The following MYO15A variants were observed in gnomAD, a reference collection of about 807,000 sequenced individuals.
MYO15A encodes the protein myosin XVA.
MYO15A carries 308 observed loss-of-function variants against 394.6 expected under a neutral mutation model. The observed-to-expected ratio is 0.78, with a 90% CI of 0.71 to 0.86. The LOEUF (loss-of-function observed/expected upper bound fraction) is 0.86. MYO15A is among the 40% of genes least tolerant of loss of function. MYO15A has a pLI of 0.00. For synonymous variants in MYO15A, 1,957 were observed against 2,003.8 expected (o/e 0.98, Z 0.62); for missense variants, 4,606 against 4,799.1 (o/e 0.96, Z 1.19).
rs1345434694 is a variant in MYO15A at position 18,132,373 on chromosome 17, C to G, written c.4207-80C>G. On this transcript the variant is annotated intron_variant, in intron 10 of 65. Transcript: ENST00000647165. This position sits in a 1 kb window ranked among gnomAD's most constrained non-coding sequence, Gnocchi z 4.6. Reference sequence around the variant, plus strand: ...CACTGTGTGCATGTGCACTTGTGGGCAGGCTTGGGCTTGTATGTGTGCCTG... The same window carrying G: ...CACTGTGTGCATGTGCACTTGTGGGGAGGCTTGGGCTTGTATGTGTGCCTG... The G allele has an allele frequency of 4.5e-6, 5 of 1,105,652 alleles. No homozygotes were observed. The African/African-American group carries it at 7.7e-5, about 17-fold the overall frequency. The allele number at this position is 1,105,652 out of a possible 1,614,324, so 68.5% of individuals were successfully genotyped here.
Position 18,136,494 on chromosome 17 carries a change from C to T in MYO15A, c.4655+19C>T. 1 of 1,613,786 alleles carries T rather than the reference C, an allele frequency of 6.2e-7. No homozygotes were observed. The highest frequency in any genetic ancestry group is 1.3e-5 in the African/African-American group (1 of 75,066). On this transcript the variant is annotated intron_variant, in intron 14 of 65. Coordinates refer to ENST00000647165, the MANE Select transcript of MYO15A (RefSeq NM_016239.4). ...ATGCCAGGTGAGGCCACGCCCTCCC[C>T]TGCCTGAGCCCCGAGGCCCAGCACC...
At position 18,124,648 on chromosome 17, in the gene MYO15A, TG is replaced by T. The variant is rs1053138164; in HGVS notation, c.3692+84del. 3 of 1,319,090 alleles carry T rather than the reference TG, an allele frequency of 2.3e-6. No homozygotes were observed. In the African/African-American group the frequency reaches 4.3e-5, roughly 19 times the overall value. The allele number at this position is 1,319,090 out of a possible 1,614,324, so 81.7% of individuals were successfully genotyped here. ...CAGCCAGAGCAGCTCCTCCTGCAGT[TG>T]CCTCTCACCTCCCAGGACATTTTCA... On this transcript the variant is annotated intron_variant, in intron 3 of 65. Coordinates refer to ENST00000647165, the MANE Select transcript of MYO15A (RefSeq NM_016239.4).
Position 18,125,207 on chromosome 17 carries a change from T to G in MYO15A, c.3732T>G (p.Ile1244Met). 1 of 1,614,114 alleles carries G rather than the reference T, an allele frequency of 6.2e-7. No individual in the cohort carries two copies. Among genetic ancestry groups the G allele is most frequent in the Non-Finnish European group, 8.5e-7 (1 of 1,180,034 alleles). The change falls in exon 4 of 66, where the codon ATT becomes ATG. Residue 1244 changes from isoleucine to methionine, a missense_variant. Physicochemically the swap from Ile to Met is conservative, Grantham distance 10 (BLOSUM62 1). Transcript: ENST00000647165. Reference protein sequence around the residue: ...QETTVLSNLKIRFERNLIYTY... With the variant: ...QETTVLSNLKMRFERNLIYTY... The stretch of plus-strand genomic sequence containing the variant: ...CCACTGTGCTGTCCAACCTCAAGAT[T>G]AGATTTGAACGGAACCTCATCTACG...
At position 18,120,972 on chromosome 17, in the gene MYO15A, C is replaced by G; in HGVS notation, c.2172C>G (p.Pro724=). 1 of 1,496,726 alleles carries G rather than the reference C, an allele frequency of 6.7e-7. No homozygotes were observed. The highest frequency in any genetic ancestry group is 8.9e-7 in the Non-Finnish European group (1 of 1,128,472). The allele number at this position is 1,496,726 out of a possible 1,614,324, so 92.7% of individuals were successfully genotyped here. The change falls in exon 2 of 66, where the codon CCC becomes CCG. Residue 724 remains proline, a synonymous_variant. Transcript: ENST00000647165. ...CCAGCTGGTGGGCCTTCGTGGAGCC[C>G]CCTGCCGTGAGCCCGGAGGTGCCCC... is the stretch of plus-strand genomic sequence containing the variant. ...PQASWWAFVE[P]PAVSPEVPPD... is the part of the protein sequence containing the mutation.
chr17:18,119,224 C>G lies in MYO15A; in HGVS notation c.424C>G (p.Leu142Val), dbSNP rs1314371795. 1.3e-5 allele frequency: 21 copies of G among 1,612,528 alleles called. No homozygotes were observed. The highest frequency in any genetic ancestry group is 1.7e-5 in the Non-Finnish European group (20 of 1,179,914). Residue 142 changes from leucine to valine, a missense_variant, in exon 2 of 66, where the codon CTC becomes GTC. By Grantham distance (32) the Leu-to-Val change is conservative. This residue lies in a region of MYO15A where 1,830 missense variants were observed against 1,689.7 expected (regional missense o/e 1.08). Coordinates refer to ENST00000647165, the MANE Select transcript of MYO15A (RefSeq NM_016239.4). ...CATCAACTGGCTCACAAAAAAGTTC[C>G]TCCTCAAGAAGGCCGAGGAGTCGGG... ...TAINWLTKKF[L>V]LKKAEESGSE...
rs1200050852 is a variant in MYO15A at position 18,140,604 on chromosome 17, G to T, written c.5299G>T (p.Ala1767Ser). The T allele has an allele frequency of 6.2e-7, 1 of 1,613,790 alleles. No individual in the cohort carries two copies. The change falls in exon 20 of 66, where the codon GCG (alanine) becomes TCG (serine). Residue 1767 changes from alanine to serine, a missense_variant. Coordinates refer to ENST00000647165, the MANE Select transcript of MYO15A (RefSeq NM_016239.4). Reference protein sequence around the residue: ...KSSSVTRLYKAHTVAAKFQQS... With the variant: ...KSSSVTRLYKSHTVAAKFQQS... ...CAGCTCCGTCACTCGGCTCTACAAG[G>T]CGCACACTGTGGCCGCCAAGTTCCA... is the stretch of plus-strand genomic sequence containing the variant.
At chr17:18,144,637 C>A (rs760107592) in intron 29 of MYO15A, 45 bp downstream of exon 29, 31 of 1,586,338 alleles carry the variant, frequency 2.0e-5, no homozygotes, top group Non-Finnish European at 2.7e-5. Flanking sequence ...TAGCCCCTGG[C>A]CCTGAAACTG....
chr17:18,154,943 C>T (rs1307210285), intron 45 of MYO15A, among the ~76,000 whole-genome samples, 167 bp from the exon 46 acceptor site: 22 of 152,264 alleles, frequency 1.4e-4, no homozygotes, highest in Admixed American at 1.4e-3. Flanking sequence ...GCCTGACACA[C>T]TGTGTGTCCT....
chr17:18,120,743 A>T lies in MYO15A; in HGVS notation c.1943A>T (p.Gln648Leu). 6.8e-7 allele frequency: 1 copy of T among 1,463,132 alleles called. No individual in the cohort carries two copies. The highest frequency in any genetic ancestry group is 2.9e-5 in the East Asian group (1 of 34,754). The allele number at this position is 1,463,132 out of a possible 1,614,324, so 90.6% of individuals were successfully genotyped here. The change falls in exon 2 of 66, where the codon CAG becomes CTG. Residue 648 changes from glutamine (Q) to leucine (L), a missense_variant. Gln to Leu is a moderately radical substitution (Grantham distance 113). Around this residue, in one of 2 missense-constraint regions of MYO15A, gnomAD observed 1,830 missense variants for 1,689.7 expected, o/e 1.08. Transcript: ENST00000647165. Reference sequence around the variant, plus strand: ...GACGCGCGCCGCCCGCCCGCGCCACAGCCCGCGCCCAGGACCCTCTCCCAC... The same window carrying T: ...GACGCGCGCCGCCCGCCCGCGCCACTGCCCGCGCCCAGGACCCTCTCCCAC... The part of the protein sequence containing the change: ...SNDARRPPAP[Q>L]PAPRTLSHWS...
chr17:18,171,077 G>C (rs1451426571), intron 62 of MYO15A, among the ~76,000 whole-genome samples: 1 of 152,168 alleles, frequency 6.6e-6, no homozygotes. Flanking sequence ...TACTGCTATT[G>C]GTATTTTCCA....
Position 18,118,980 on chromosome 17 carries a change from CTGGGGCCTCCACACCGGCCCCCAGA to C in MYO15A, c.181_205del (p.Trp61ArgfsTer19). ...AGTTCCGCAGCGCCTCGGCCTTCTTCTGGGGCCTCCACACCGGCCCCCAGAAGACCAAGCGCAAGAGGAAGGCCCG... is the reference window on the plus strand; with the variant it reads ...AGTTCCGCAGCGCCTCGGCCTTCTTCAGACCAAGCGCAAGAGGAAGGCCCG... On this transcript the variant is annotated frameshift_variant, in exon 2 of 66. Coordinates refer to ENST00000647165, the MANE Select transcript of MYO15A (RefSeq NM_016239.4). LOFTEE classifies it high-confidence loss of function. The C allele has an allele frequency of 6.2e-7, 1 of 1,613,132 alleles. No homozygotes were observed. Among genetic ancestry groups the C allele is most frequent in the Non-Finnish European group, 8.5e-7 (1 of 1,179,996 alleles).
intron 62 of MYO15A, among the ~76,000 whole-genome samples, chr17:18,168,577 A>G (rs1353430327): frequency 4.6e-5 from 3 of 65,042 alleles, no homozygotes; most frequent in East Asian, 2.3e-4. Flanking sequence ...CAAAAAAAAA[A>G]AAAGAAAGAA....
At position 18,172,260 on chromosome 17, in the gene MYO15A, T is replaced by C. The variant is rs1244915138; in HGVS notation, c.10320T>C (p.Asn3440=). 8 of 1,614,090 alleles carry C rather than the reference T, an allele frequency of 5.0e-6. No homozygotes were observed. Among genetic ancestry groups the C allele is most frequent in the Non-Finnish European group, 5.9e-6 (7 of 1,180,042 alleles). ...PAPCILAINH[N]GLNFLSTETH... is the part of the protein sequence containing the mutation. ...CTTGCATCCTTGCCATCAACCACAA[T>C]GGCCTCAACTTTCTCAGCACAGAGA... is the stretch of plus-strand genomic sequence containing the variant. The change falls in exon 64 of 66, where the codon AAT becomes AAC. Residue 3440 remains asparagine, a synonymous_variant. Coordinates refer to ENST00000647165, the MANE Select transcript of MYO15A (RefSeq NM_016239.4).
rs745701134 is a variant in MYO15A at position 18,125,210 on chromosome 17, A to G, written c.3735A>G (p.Arg1245=). The change falls in exon 4 of 66, where the codon AGA becomes AGG. Residue 1245 remains arginine, a synonymous_variant. Transcript: ENST00000647165. ...CTGTGCTGTCCAACCTCAAGATTAGATTTGAACGGAACCTCATCTACGTAA... is the reference window on the plus strand; with the variant it reads ...CTGTGCTGTCCAACCTCAAGATTAGGTTTGAACGGAACCTCATCTACGTAA... The part of the protein sequence containing the change: ...ETTVLSNLKI[R]FERNLIYTYI... 2.5e-6 allele frequency: 4 copies of G among 1,614,022 alleles called. No homozygotes were observed. Among genetic ancestry groups the G allele is most frequent in the Non-Finnish European group, 3.4e-6 (4 of 1,180,042 alleles).
In MYO15A at chr17:18,148,324, A is replaced by G; in HGVS notation, c.6691+114A>G. 6.7e-7 allele frequency: 1 copy of G among 1,501,608 alleles called. No homozygotes were observed. The highest frequency in any genetic ancestry group is 9.0e-7 in the Non-Finnish European group (1 of 1,105,808). The allele number at this position is 1,501,608 out of a possible 1,614,324, so 93.0% of individuals were successfully genotyped here. On this transcript the variant is annotated intron_variant, in intron 31 of 65. Transcript: ENST00000647165. This position sits in a 1 kb window ranked among gnomAD's most constrained non-coding sequence, Gnocchi z 4.8. ...TGGAGCTGGGGAGGGGCCTTCTCAG[A>G]TGTGGCTCTGCGTGAAAGTCTGTGT...
In MYO15A at chr17:18,119,372, C is replaced by T. The variant is rs781303585; in HGVS notation, c.572C>T (p.Pro191Leu). ...LRPGGRLRRFPRSRSIYASGE... is the reference protein window; with the variant it reads ...LRPGGRLRRFLRSRSIYASGE... ...CCTGGGGGCCGGCTCCGGAGGTTCC[C>T]CCGCAGCCGCAGCATCTACGCGTCA... The change falls in exon 2 of 66, where the codon CCC (proline) becomes CTC (leucine). Residue 191 changes from proline (P) to leucine (L), a missense_variant. Pro to Leu is a moderately conservative substitution (Grantham distance 98, BLOSUM62 -3). This residue lies in a region of MYO15A where 1,830 missense variants were observed against 1,689.7 expected (regional missense o/e 1.08). Coordinates refer to ENST00000647165, the MANE Select transcript of MYO15A (RefSeq NM_016239.4). 6 of 1,609,936 alleles carry T rather than the reference C, an allele frequency of 3.7e-6. No homozygotes were observed. The highest frequency in any genetic ancestry group is 1.1e-5 in the South Asian group (1 of 91,060).
chr17:18,119,469 G>T lies in MYO15A; in HGVS notation c.669G>T (p.Leu223=). 6.2e-7 allele frequency: 1 copy of T among 1,612,740 alleles called. No individual in the cohort carries two copies. Among genetic ancestry groups the T allele is most frequent in the Non-Finnish European group, 8.5e-7 (1 of 1,179,980 alleles). Residue 223 remains leucine (L), a synonymous_variant, in exon 2 of 66, where the codon CTG becomes CTT. Coordinates refer to ENST00000647165, the MANE Select transcript of MYO15A (RefSeq NM_016239.4). ...PFHHSGSRKS[L]YGLEGFQDLG... ...ATCACTCGGGCTCCCGCAAGTCGCT[G>T]TACGGGCTTGAGGGCTTCCAGGACC...
At chr17:18,166,661 C>A (rs918011094) in intron 61 of MYO15A, 140 bp downstream of exon 61, 6 of 1,186,456 alleles carry the variant, frequency 5.1e-6, no homozygotes, top group Non-Finnish European at 7.3e-6. Context: ...TCTCTGCTCC[C>A]CTATGTGGTC....
chr17:18,140,742 T>C, intron 20 of MYO15A, 45 bp from the exon 21 acceptor site: 3 of 1,614,166 alleles, frequency 1.9e-6, no homozygotes, highest in Non-Finnish European at 2.5e-6. Flanking sequence ...GTTGAGCGCC[T>C]TCTTTTTCTG....
Sources: allele counts gnomAD v4.1 joint callset (sites outside exome capture counted in the v4.1 genomes callset), GRCh38; gene constraint gnomAD v4.1.1; regional missense constraint gnomAD v4.1.1; non-coding constraint Gnocchi (gnomAD v3.1); transcripts MANE v1.5; gene names NCBI Gene and HGNC (gene_info 2026-07-23, HGNC 2026-07-21).